The following AMMECR1 variants were observed in gnomAD, a reference collection of about 807,000 sequenced individuals.
AMMECR1 encodes the protein nuclear protein AMMECR1.
A neutral mutation model predicts 22.5 loss-of-function variants in AMMECR1; 3 were observed. The ratio of observed to expected loss-of-function variants is 0.13; its 90% CI spans 0.06 to 0.35. AMMECR1 has a LOEUF of 0.35. Ranked by LOEUF, AMMECR1 falls within the 10% of genes least tolerant of loss-of-function variation. The pLI is 1.00. For synonymous variants in AMMECR1, 130 were observed against 116.7 expected (o/e 1.11, Z -0.74); for missense variants, 235 against 278.7 (o/e 0.84, Z 1.12).
chrX:110,421,978 T>A (rs1291317545), intron 2 of AMMECR1, among the ~76,000 whole-genome samples: 1 of 113,230 alleles, frequency 8.8e-6, no homozygotes, highest in Non-Finnish European at 1.9e-5. Context: ...CTAACTGCTT[T>A]GCCTTCTGAG....
chrX:110,378,735 A>G lies in AMMECR1; in HGVS notation c.-148+47923T>C, dbSNP rs185918357. 2.6e-3 allele frequency among the ~76,000 whole-genome samples: 288 copies of G among 111,756 alleles called. 1 individual carries two copies. The highest frequency in any genetic ancestry group is 9.1e-3 in the African/African-American group (278 of 30,713). ...CTATTCATTCTTTAATGCCCAAGAC[A>G]CATGCCACCAATTTCATTTGAATGG... On this transcript the variant is annotated intron_variant, in intron 2 of 7. Transcript: ENST00000372057.
At chrX:110,314,585 A>G (rs938187896) in intron 1 of AMMECR1, among the ~76,000 whole-genome samples, 2 of 112,096 alleles carry the variant, frequency 1.8e-5, no homozygotes, top group African/African-American at 6.5e-5. Context: ...CTGGAGTCTA[A>G]CTAGCTCAAC....
At chrX:110,227,282 T>C (rs2067538764) in intron 2 of AMMECR1, among the ~76,000 whole-genome samples, 1 of 112,326 alleles carries the variant, frequency 8.9e-6, no homozygotes. Flanking sequence ...CTGGTTCAGC[T>C]GTCCTTTCTA....
intron 1 of AMMECR1, among the ~76,000 whole-genome samples, chrX:110,436,042 G>A (rs1039449548): frequency 2.7e-5 from 3 of 112,573 alleles, no homozygotes; most frequent in Non-Finnish European, 3.8e-5. Flanking sequence ...AACCAGTAAG[G>A]TCTTCTATAG....
intron 2 of AMMECR1, among the ~76,000 whole-genome samples, chrX:110,375,967 T>A (rs1346228404): frequency 9.0e-6 from 1 of 111,537 alleles, no homozygotes; most frequent in African/African-American, 3.3e-5. Flanking sequence ...AGTAATGCTA[T>A]GTCCTGTCTG....
intron 2 of AMMECR1, among the ~76,000 whole-genome samples, chrX:110,233,490 A>G (rs900701431): frequency 9.8e-5 from 11 of 112,107 alleles, no homozygotes; most frequent in Admixed American, 5.6e-4. Context: ...TATGCGGTCA[A>G]CATCATCCGG....
At chrX:110,257,014 T>C (rs1415648418) in intron 2 of AMMECR1, among the ~76,000 whole-genome samples, 2 of 111,716 alleles carry the variant, frequency 1.8e-5, no homozygotes, top group East Asian at 5.6e-4. Flanking sequence ...TACAAATCTG[T>C]CCTCCTGTTC....
At chrX:110,418,774 A>C (rs1169563708) in intron 2 of AMMECR1, among the ~76,000 whole-genome samples, 3 of 111,244 alleles carry the variant, frequency 2.7e-5, no homozygotes, top group Non-Finnish European at 5.7e-5. Flanking sequence ...ACTTATTCTC[A>C]TTTCCTGGCA....
chrX:110,380,364 A>G (rs1569418495), intron 2 of AMMECR1, among the ~76,000 whole-genome samples: 2 of 111,898 alleles, frequency 1.8e-5, no homozygotes, highest in African/African-American at 3.3e-5. Context: ...AAAAAAAATT[A>G]AATACCTAAG....
At chrX:110,330,009 G>A (rs1161744828) in intron 2 of AMMECR1, among the ~76,000 whole-genome samples, 1 of 111,635 alleles carries the variant, frequency 9.0e-6, no homozygotes, top group Non-Finnish European at 1.9e-5. Flanking sequence ...ATGTAAAACT[G>A]TTAGAAAAAA....
intron 2 of AMMECR1, among the ~76,000 whole-genome samples, chrX:110,403,069 C>T (rs1228353056): frequency 9.0e-6 from 1 of 111,276 alleles, no homozygotes. Flanking sequence ...CTTTCTTTAT[C>T]ACTTGCTAGG....
chrX:110,316,547 C>T (rs1400475951), intron 1 of AMMECR1, among the ~76,000 whole-genome samples: 4 of 108,871 alleles, frequency 3.7e-5, no homozygotes, highest in Non-Finnish European at 7.6e-5. Context: ...GCATTTAACG[C>T]AAAAAGTCAG....
At chrX:110,312,069 T>C (rs2068025783) in intron 1 of AMMECR1, among the ~76,000 whole-genome samples, 1 of 112,783 alleles carries the variant, frequency 8.9e-6, no homozygotes, top group Non-Finnish European at 1.9e-5. Context: ...GTCATTGTGC[T>C]GCTTTATAAG....
intron 2 of AMMECR1, among the ~76,000 whole-genome samples, chrX:110,372,048 T>C (rs1303109825): frequency 1.8e-5 from 2 of 111,617 alleles, no homozygotes; most frequent in African/African-American, 6.5e-5. Context: ...CCTAGGACAA[T>C]GTGGTGCATT....
At chrX:110,258,450 C>T (rs1426221186) in intron 2 of AMMECR1, among the ~76,000 whole-genome samples, 1 of 111,593 alleles carries the variant, frequency 9.0e-6, no homozygotes. Flanking sequence ...GTACAACAAC[C>T]TAGGTTCCAA....
chrX:110,341,391 C>A (rs1301423976), intron 2 of AMMECR1, among the ~76,000 whole-genome samples: 1 of 112,593 alleles, frequency 8.9e-6, no homozygotes, highest in Non-Finnish European at 1.9e-5. Context: ...AGTAATCCCC[C>A]TTTATACATG....
intron 2 of AMMECR1, among the ~76,000 whole-genome samples, chrX:110,253,086 TCAAAGGGAAA>T (rs1244056704): frequency 8.9e-6 from 1 of 111,793 alleles, no homozygotes; most frequent in East Asian, 2.8e-4. Context: ...CTTGGTGTGT[TCAAAGGGAAA>T]CAAGGAAACC....
chrX:110,290,432 A>G (rs1049840174), intron 1 of AMMECR1, among the ~76,000 whole-genome samples: 7 of 111,911 alleles, frequency 6.3e-5, no homozygotes, highest in Admixed American at 5.7e-4. Context: ...TTATGTGCTG[A>G]TTAGGCTGTA....
At chrX:110,269,997 T>TA (rs1422272063) in intron 1 of AMMECR1, among the ~76,000 whole-genome samples, 1 of 111,576 alleles carries the variant, frequency 9.0e-6, no homozygotes, top group African/African-American at 3.3e-5. Flanking sequence ...TCTCTTCCTT[T>TA]ACTAGGCTTT....
Sources: gnomAD v4.1 joint callset for allele counts (sites outside exome capture counted in the v4.1 genomes callset) on GRCh38, gnomAD v4.1.1 for gene constraint, MANE v1.5 for transcripts, NCBI Gene and HGNC (gene_info 2026-07-23, HGNC 2026-07-21) for gene names.